HIF3A: variants seen among roughly 807,000 people sequenced by gnomAD.
HIF3A encodes the protein hypoxia-inducible factor 3-alpha.
A neutral mutation model predicts 67.2 loss-of-function variants in HIF3A; 41 were observed. The ratio of observed to expected loss-of-function variants is 0.61; its 90% CI spans 0.48 to 0.79. The LOEUF is 0.79. Ranked by LOEUF, HIF3A falls within the 30% of genes least tolerant of loss-of-function variation. The pLI is 0.00. For missense variants in HIF3A, 855 were observed against 898.0 expected (o/e 0.95, Z 0.61); for synonymous variants, 356 against 374.8 (o/e 0.95, Z 0.58).
intron 5 of HIF3A, 142 bp downstream of exon 5, chr19:46,308,917 A>C: frequency 1.5e-6 from 1 of 670,372 alleles, no homozygotes; most frequent in Non-Finnish European, 2.5e-6. Context: ...AGCGGGTCTC[A>C]GGGCATCGAG....
chr19:46,331,823 C>G (rs956611800), intron 13 of HIF3A, among the ~76,000 whole-genome samples: 1 of 143,546 alleles, frequency 7.0e-6, no homozygotes, highest in Non-Finnish European at 1.5e-5. Flanking sequence ...CCACTGCAGT[C>G]CAGTCTAGGC....
At chr19:46,334,857 G>A (rs1173618505) in intron 13 of HIF3A, 48 bp from the exon 14 acceptor site, 1 of 1,494,280 alleles carries the variant, frequency 6.7e-7, no homozygotes, top group Admixed American at 1.7e-5. Flanking sequence ...CTGTTCCTTG[G>A]ATACTAATGA....
At position 46,310,567 on chromosome 19, in the gene HIF3A, C is replaced by T. The variant is rs1177380635; in HGVS notation, c.770+1208C>T. 6.6e-6 allele frequency: 3 copies of T among 455,864 alleles called. 1 individual carries two copies. Among genetic ancestry groups the T allele is most frequent in the South Asian group, 4.7e-5 (3 of 64,476 alleles). 28.2% of individuals were successfully genotyped at this position (455,864 alleles called of 1,614,324 possible). ...GAATGGTGACTCTGGATTCAGCCTG[C>T]TTGAGTGTCAGTCTTGGCTGTGTAT... On this transcript the variant is annotated intron_variant, in intron 6 of 14. Transcript: ENST00000377670.
At position 46,334,815 on chromosome 19, in the gene HIF3A, G is replaced by C. The variant is rs543636471; in HGVS notation, c.1831-90G>C. On this transcript the variant is annotated intron_variant, in intron 13 of 14. Transcript: ENST00000377670. Reference sequence around the variant, plus strand: ...TCCCAATCCTCTGGCCTCAGCCCCCGAAAGTGCTGGGATTACAGTCACCAC... The same window carrying C: ...TCCCAATCCTCTGGCCTCAGCCCCCCAAAGTGCTGGGATTACAGTCACCAC... The C allele has an allele frequency of 3.5e-4, 380 of 1,081,512 alleles. 1 individual carries two copies. In the African/African-American group the frequency reaches 5.1e-3, roughly 15 times the overall value. 67.0% of individuals were successfully genotyped at this position (1,081,512 alleles called of 1,614,324 possible).
At chr19:46,304,649 T>C (rs1192951734) in intron 2 of HIF3A, among the ~76,000 whole-genome samples, 4 of 150,996 alleles carry the variant, frequency 2.6e-5, no homozygotes, top group Admixed American at 6.6e-5. Flanking sequence ...CACACACACA[T>C]ACACTCACAC....
At position 46,312,163 on chromosome 19, in the gene HIF3A, T is replaced by C; in HGVS notation, c.773T>C (p.Ile258Thr). 1 of 1,613,870 alleles carries C rather than the reference T, an allele frequency of 6.2e-7. No homozygotes were observed. The part of the protein sequence containing the change: ...DMKFTYCDDR[I>T]AEVAGYSPDD... ...ACCCCACTCCGCCCCACCCCCAGGA[T>C]TGCAGAAGTGGCTGGCTATAGTCCC... Residue 258 changes from isoleucine (I) to threonine (T), a missense_variant and splice_region_variant, in exon 7 of 15, where the codon ATT (isoleucine) becomes ACT (threonine). By Grantham distance (89) the Ile-to-Thr change is moderately conservative. Coordinates refer to ENST00000377670, the MANE Select transcript of HIF3A (RefSeq NM_152795.4).
chr19:46,305,091 G>T, intron 2 of HIF3A, 154 bp from the exon 3 acceptor site: 1 of 1,062,412 alleles, frequency 9.4e-7, no homozygotes, highest in East Asian at 2.4e-5. Flanking sequence ...TCTTCCTTGG[G>T]AATCCAGGCC....
intron 14 of HIF3A, among the ~76,000 whole-genome samples, chr19:46,337,011 C>T (rs1385981192): frequency 6.6e-6 from 1 of 151,758 alleles, no homozygotes; most frequent in Admixed American, 6.6e-5. Flanking sequence ...TAAATATAAA[C>T]AAATGAACAA....
At chr19:46,306,728 T>C (rs1968886223) in intron 3 of HIF3A, among the ~76,000 whole-genome samples, 1 of 152,182 alleles carries the variant, frequency 6.6e-6, no homozygotes, top group South Asian at 2.1e-4. Flanking sequence ...ATTTCTCTGT[T>C]AGTGTGAGTG....
chr19:46,308,131 G>A (rs7251867), intron 3 of HIF3A, 90 bp from the exon 4 acceptor site: 31,141 of 851,852 alleles, frequency 0.037, 844 homozygotes, highest in African/African-American at 0.12. Flanking sequence ...AAATCATCCA[G>A]GCTCATGAAT....
At chr19:46,306,936 C>T (rs138033352) in intron 3 of HIF3A, among the ~76,000 whole-genome samples, 139 of 152,276 alleles carry the variant, frequency 9.1e-4, no homozygotes, top group Middle Eastern at 3.4e-3. Context: ...CCCAGCACCA[C>T]GCTCATTTCC....
At chr19:46,335,075 GGA>G in intron 14 of HIF3A, 89 bp downstream of exon 14, 1 of 1,000,850 alleles carries the variant, frequency 1.0e-6, no homozygotes, top group South Asian at 1.7e-5. Context: ...AGGTGCTGGG[GGA>G]CTGTCAGTGC....
At chr19:46,313,547 CT>C (rs1969661153) in intron 8 of HIF3A, among the ~76,000 whole-genome samples, 1 of 148,642 alleles carries the variant, frequency 6.7e-6, no homozygotes. Context: ...GGTAAATTCT[CT>C]TTATGGTACA....
At chr19:46,320,975 A>C (rs1601303953) in intron 9 of HIF3A, among the ~76,000 whole-genome samples, 2 of 148,256 alleles carry the variant, frequency 1.3e-5, no homozygotes, top group East Asian at 2.0e-4. Context: ...CTCTTCCTTC[A>C]CTCTCCTGCC....
intron 10 of HIF3A, among the ~76,000 whole-genome samples, chr19:46,323,773 C>T (rs772219574): frequency 3.9e-5 from 6 of 152,102 alleles, no homozygotes; most frequent in East Asian, 3.9e-4. Context: ...TCTTACATGG[C>T]GGCAGGCAAG....
chr19:46,342,728 A>G lies in HIF3A; in HGVS notation c.*3106A>G, dbSNP rs1971974080. 6.6e-6 allele frequency: 1 copy of G among 152,074 alleles called. No individual in the cohort carries two copies. Among genetic ancestry groups the G allele is most frequent in the African/African-American group, 2.4e-5 (1 of 41,376 alleles). The allele number at this position is 152,074 out of a possible 1,614,324, so 9.4% of individuals were successfully genotyped here. On this transcript the variant is annotated 3_prime_UTR_variant, in exon 15 of 15. Coordinates refer to ENST00000377670, the MANE Select transcript of HIF3A (RefSeq NM_152795.4). ...TGAATCTTATAACCTCAACTCCCTA[A>G]TTCCAGACCCCAGCCTCCTAAATCT...
At chr19:46,307,991 C>CAGATAGAT (rs754736696) in intron 3 of HIF3A, among the ~76,000 whole-genome samples, 36 of 138,090 alleles carry the variant, frequency 2.6e-4, no homozygotes, top group Admixed American at 9.9e-4. Flanking sequence ...GACAGACAGA[C>CAGATAGAT]AGACAGACAG....
chr19:46,311,465 A>G (rs747729078), intron 6 of HIF3A, among the ~76,000 whole-genome samples: 3 of 152,164 alleles, frequency 2.0e-5, no homozygotes, highest in Non-Finnish European at 4.4e-5. Context: ...TTACAGGCCA[A>G]ATTAAGGCTG....
chr19:46,331,261 T>C lies in HIF3A; in HGVS notation c.1818T>C (p.Phe606=). Residue 606 remains phenylalanine, a synonymous_variant, in exon 13 of 15, where the codon TTT becomes TTC. Coordinates refer to ENST00000377670, the MANE Select transcript of HIF3A (RefSeq NM_152795.4). ...CAGAACACGAAAACTTTCTGCTCTT[T>C]CCTCTCAGCCTGGTGTGTTGGGGGA... ...PSPEHENFLL[F]PLSLSFLLTG... 1.2e-6 allele frequency: 2 copies of C among 1,613,526 alleles called. No homozygotes were observed. The highest frequency in any genetic ancestry group is 8.5e-7 in the Non-Finnish European group (1 of 1,179,524).
Sources: gnomAD v4.1 joint callset for allele counts (sites outside exome capture counted in the v4.1 genomes callset) on GRCh38, gnomAD v4.1.1 for gene constraint, MANE v1.5 for transcripts, NCBI Gene and HGNC (gene_info 2026-07-23, HGNC 2026-07-21) for gene names.